The following RAB37 variants were observed in gnomAD, a reference collection of about 807,000 sequenced individuals.
RAB37 encodes the protein RAB37, member RAS oncogene family.
A neutral mutation model predicts 33.1 loss-of-function variants in RAB37; 29 were observed. The observed-to-expected ratio is 0.88, with a 90% confidence interval of 0.65 to 1.20. The LOEUF (loss-of-function observed/expected upper bound fraction) is 1.20. Among genes scored for constraint, RAB37 ranks in the 50% most tolerant of loss-of-function variants. The probability of loss-of-function intolerance (pLI) is 0.00; values close to 1 mark genes in which losing one functional copy is unlikely to be tolerated. For synonymous variants in RAB37, 128 were observed against 119.5 expected, an observed-to-expected ratio of 1.07 and a Z score of -0.47; for missense variants, 299 against 301.1, an observed-to-expected ratio of 0.99 and a Z score of 0.05.
chr17:74,708,347 A>G (rs903036271), intron 1 of RAB37, among the ~76,000 whole-genome samples: 3 of 152,186 alleles, frequency 2.0e-5, no homozygotes, highest in Admixed American at 6.5e-5. Context: ...AAACACGTAA[A>G]GAAGAAATAA....
chr17:74,744,788 C>T lies in RAB37; in HGVS notation c.433-85C>T. 1.3e-6 allele frequency: 2 copies of T among 1,516,904 alleles called. No individual in the cohort carries two copies. The highest frequency in any genetic ancestry group is 1.7e-4 in the Middle Eastern group (1 of 5,846). The allele number at this position is 1,516,904 out of a possible 1,614,324, so 94.0% of individuals were successfully genotyped here. A position where few individuals can be genotyped will look rare whatever the true frequency, so the allele number is the denominator to read the frequency against. On this transcript the variant is annotated intron_variant, in intron 6 of 8. Coordinates refer to ENST00000392613, the MANE Select transcript of RAB37 (RefSeq NM_001006638.3). The surrounding 1 kb of genome is among the most constrained non-coding windows in gnomAD (Gnocchi z 4.2). ...AGTCCCTTGGGCCACCAGCAGAGGG[C>T]AGGCAACGCCTGCTTCTGGGGCAAA...
intron 1 of RAB37, among the ~76,000 whole-genome samples, chr17:74,715,525 G>A (rs983207725): frequency 6.6e-6 from 1 of 152,166 alleles, no homozygotes; most frequent in African/African-American, 2.4e-5. Context: ...GGAAGCCATT[G>A]GCTTCCAGGA....
chr17:74,737,029 C>T, upstream of RAB37: 2 of 1,606,474 alleles, frequency 1.2e-6, no homozygotes, highest in East Asian at 2.2e-5. Context: ...ATGTCCGAAG[C>T]GCACGGAGCC....
intron 1 of RAB37, among the ~76,000 whole-genome samples, chr17:74,709,199 G>A (rs1356449287): frequency 2.6e-5 from 4 of 151,768 alleles, no homozygotes; most frequent in Admixed American, 6.6e-5. Context: ...ACTCCAGCCT[G>A]GAGACAGAGC....
rs2034542219 is a variant in RAB37, at chr17:74,738,833, G to A, written c.93+1468G>A. Among the ~76,000 whole-genome samples the A allele has an allele frequency of 6.6e-6, 1 of 152,172 alleles. No individual in the cohort carries two copies. The highest frequency in any genetic ancestry group is 2.4e-5 in the African/African-American group (1 of 41,438). ...CTCCTTGGACCAGACTAGGGGTGATGTGGCCCACAGGCAGACAGTTCCCAC... is the reference window on the plus strand; with the variant it reads ...CTCCTTGGACCAGACTAGGGGTGATATGGCCCACAGGCAGACAGTTCCCAC... On this transcript the variant is annotated intron_variant, in intron 1 of 8. Coordinates refer to ENST00000392613, the MANE Select transcript of RAB37 (RefSeq NM_001006638.3). This position sits in a 1 kb window ranked among gnomAD's most constrained non-coding sequence, Gnocchi z 5.0.
At chr17:74,690,104 A>G (rs1214567647) in intron 1 of RAB37, among the ~76,000 whole-genome samples, 2 of 152,000 alleles carry the variant, frequency 1.3e-5, no homozygotes, top group Non-Finnish European at 2.9e-5. Flanking sequence ...GTCGTGCACA[A>G]CCACACCCAG....
chr17:74,734,597 A>T (rs961427043), upstream of RAB37, among the ~76,000 whole-genome samples: 4 of 152,160 alleles, frequency 2.6e-5, no homozygotes, highest in African/African-American at 4.8e-5. Context: ...TAATCCCAAT[A>T]CTTTGGGAGG....
At chr17:74,725,385 A>G (rs1255028294) in intron 1 of RAB37, among the ~76,000 whole-genome samples, 2 of 152,154 alleles carry the variant, frequency 1.3e-5, no homozygotes, top group African/African-American at 4.8e-5. Context: ...CCTTGGCCAC[A>G]CCACAGACCT....
intron 1 of RAB37, among the ~76,000 whole-genome samples, chr17:74,712,600 C>T (rs2034050599): frequency 6.6e-6 from 1 of 152,190 alleles, no homozygotes; most frequent in South Asian, 2.1e-4. Context: ...ATGATCAGCC[C>T]CTGGGGGTCA....
chr17:74,694,781 A>G lies in RAB37; in HGVS notation c.72+23123A>G, dbSNP rs185425980. On this transcript the variant is annotated intron_variant, in intron 1 of 7. Transcript: ENST00000340415. ...ATAAATAAAGGTTCATTGTATTACG[A>G]TAATGGTACTTCATGATAATAATGA... 175 of 248,246 alleles carry G rather than the reference A, an allele frequency of 7.0e-4. 1 individual carries two copies. The East Asian group carries it at 0.011, about 16-fold the overall frequency. The allele number at this position is 248,246 out of a possible 1,614,324, so 15.4% of individuals were successfully genotyped here. A position where few individuals can be genotyped will look rare whatever the true frequency, so the allele number is the denominator to read the frequency against.
intron 1 of RAB37, chr17:74,698,500 G>A (rs375298163): frequency 1.1e-5 from 18 of 1,603,010 alleles, no homozygotes; most frequent in East Asian, 6.8e-5. Flanking sequence ...AATGGCAAGC[G>A]TCCCCTGCAT....
intron 1 of RAB37, among the ~76,000 whole-genome samples, chr17:74,684,220 T>C (rs932052544): frequency 1.3e-5 from 2 of 151,770 alleles, no homozygotes; most frequent in East Asian, 1.9e-4. Context: ...TACTTCAGCC[T>C]CCTGAGCAGC....
intron 1 of RAB37, among the ~76,000 whole-genome samples, chr17:74,707,582 G>A (rs1397947895): frequency 6.6e-6 from 1 of 152,042 alleles, no homozygotes; most frequent in Admixed American, 6.6e-5. Flanking sequence ...AGGTGTGGTG[G>A]AGTGCACCTG....
At chr17:74,678,646 C>G (rs772077692) in intron 1 of RAB37, among the ~76,000 whole-genome samples, 1 of 151,876 alleles carries the variant, frequency 6.6e-6, no homozygotes, top group Non-Finnish European at 1.5e-5. Context: ...TACTTGCTAG[C>G]CTTCTGCCCC....
At chr17:74,703,413 C>A (rs760358088) in intron 1 of RAB37, among the ~76,000 whole-genome samples, 12 of 152,086 alleles carry the variant, frequency 7.9e-5, no homozygotes, top group Non-Finnish European at 1.0e-4. Context: ...AGCTGGAGAC[C>A]AGCTGAACTT....
chr17:74,698,223 C>T, intron 1 of RAB37: 1 of 656,146 alleles, frequency 1.5e-6, no homozygotes. Context: ...GCCCCCCGGT[C>T]CCCTGGCACT....
intron 1 of RAB37, among the ~76,000 whole-genome samples, chr17:74,713,904 A>C (rs2034111220): frequency 7.0e-6 from 1 of 143,168 alleles, no homozygotes; most frequent in African/African-American, 2.6e-5. Context: ...CTCCACAAAA[A>C]AAAAAAAAAA....
At chr17:74,726,030 A>C (rs1048200477) in intron 1 of RAB37, among the ~76,000 whole-genome samples, 25 of 151,968 alleles carry the variant, frequency 1.6e-4, no homozygotes, top group African/African-American at 5.8e-4. Flanking sequence ...AGGTCAGGAG[A>C]TCGAGACCAT....
upstream of RAB37, among the ~76,000 whole-genome samples, chr17:74,734,160 G>T (rs563717672): frequency 5.9e-5 from 9 of 152,306 alleles, no homozygotes; most frequent in African/African-American, 2.2e-4. Context: ...CCCTCTGAAG[G>T]CTCCAGAGAA....
Sources: gnomAD v4.1 joint callset for allele counts (sites outside exome capture counted in the v4.1 genomes callset) on GRCh38, gnomAD v4.1.1 for gene constraint, Gnocchi (gnomAD v3.1) non-coding constraint, MANE v1.5 for transcripts, NCBI Gene and HGNC (gene_info 2026-07-23, HGNC 2026-07-21) for gene names.